MARK3: variants seen among roughly 807,000 people sequenced by gnomAD.
The protein encoded by MARK3 is microtubule affinity regulating kinase 3.
Under a neutral mutation model 90.1 loss-of-function variants are expected in MARK3, and 46 were observed. That is an observed-to-expected ratio of 0.51 (90% CI 0.40 to 0.65). The LOEUF (loss-of-function observed/expected upper bound fraction) is 0.65, where lower values mean the gene tolerates loss of function less well. Ranked by LOEUF, MARK3 falls within the 30% of genes least tolerant of loss-of-function variation. The pLI is 0.00. For missense variants in MARK3, 818 were observed against 947.2 expected, an observed-to-expected ratio of 0.86 and a Z score of 1.79; for synonymous variants, 321 against 332.6, an observed-to-expected ratio of 0.97 and a Z score of 0.38.
chr14:103,462,514 T>C (rs2093422240), intron 7 of MARK3, 53 bp downstream of exon 7: 3 of 1,359,958 alleles, frequency 2.2e-6, no homozygotes, highest in Admixed American at 3.6e-5. Flanking sequence ...TGTGCAGTTC[T>C]CTCAGTGGTC....
chr14:103,455,216 T>C (rs1310754718), intron 5 of MARK3, among the ~76,000 whole-genome samples: 1 of 152,252 alleles, frequency 6.6e-6, no homozygotes, highest in Non-Finnish European at 1.5e-5. Flanking sequence ...CTTAATCGTT[T>C]AATTTTTTTA....
chr14:103,413,370 CTT>C (rs763373793), intron 2 of MARK3, among the ~76,000 whole-genome samples: 21 of 149,238 alleles, frequency 1.4e-4, no homozygotes, highest in Non-Finnish European at 2.1e-4. Context: ...ATTTGGGAAA[CTT>C]TTGATCTCTC....
At chr14:103,498,684 G>A (rs1214392320) in intron 16 of MARK3, among the ~76,000 whole-genome samples, 156 bp downstream of exon 16, 1 of 152,154 alleles carries the variant, frequency 6.6e-6, no homozygotes, top group African/African-American at 2.4e-5. Flanking sequence ...AAATTGAAAA[G>A]AAATAGATTA....
At chr14:103,460,203 A>G (rs776904506) in intron 6 of MARK3, among the ~76,000 whole-genome samples, 2 of 144,968 alleles carry the variant, frequency 1.4e-5, no homozygotes, top group Non-Finnish European at 3.0e-5. Flanking sequence ...CTTCTGCCTC[A>G]GCCTCCCAAG....
chr14:103,436,981 T>A (rs2092731314), intron 3 of MARK3, among the ~76,000 whole-genome samples: 1 of 151,802 alleles, frequency 6.6e-6, no homozygotes, highest in Non-Finnish European at 1.5e-5. Context: ...TAATCCCAGC[T>A]ACTTGGGAGG....
chr14:103,450,039 A>C (rs1177974215), intron 4 of MARK3, among the ~76,000 whole-genome samples: 1 of 152,214 alleles, frequency 6.6e-6, no homozygotes, highest in African/African-American at 2.4e-5. Flanking sequence ...GCCCTATTTC[A>C]TCAGTCTAAA....
intron 17 of MARK3, among the ~76,000 whole-genome samples, chr14:103,501,536 A>G (rs554548883): frequency 7.2e-5 from 11 of 151,950 alleles, no homozygotes; most frequent in Non-Finnish European, 1.6e-4. Context: ...GATCCCCTCT[A>G]CTCAAAACAA....
chr14:103,421,067 C>T (rs1057506272), intron 2 of MARK3, among the ~76,000 whole-genome samples: 4 of 152,154 alleles, frequency 2.6e-5, no homozygotes, highest in African/African-American at 9.7e-5. Flanking sequence ...ATGGATAAAA[C>T]TCTGGACAGT....
chr14:103,484,992 C>T (rs1006679462), intron 14 of MARK3, among the ~76,000 whole-genome samples: 9 of 147,660 alleles, frequency 6.1e-5, no homozygotes, highest in African/African-American at 2.3e-4. Context: ...CTGAGGTGGG[C>T]GGATCACCTG....
At chr14:103,442,096 C>T (rs6575991) in intron 3 of MARK3, among the ~76,000 whole-genome samples, 51,999 of 151,734 alleles carry the variant, frequency 0.34, 9,380 homozygotes, top group East Asian at 0.5. Flanking sequence ...TGGCCAGGTG[C>T]GGTGGCTCAC....
intron 15 of MARK3, among the ~76,000 whole-genome samples, chr14:103,493,978 A>G (rs1446748417): frequency 4.0e-5 from 6 of 151,586 alleles, no homozygotes; most frequent in Non-Finnish European, 8.8e-5. Context: ...TCATGCCTGT[A>G]ATCTCAGCAC....
At chr14:103,491,528 G>T in intron 14 of MARK3, 1 of 434,160 alleles carries the variant, frequency 2.3e-6, no homozygotes. Context: ...GAATTTCCCT[G>T]CATTAATCTT....
intron 1 of MARK3, among the ~76,000 whole-genome samples, chr14:103,403,847 A>G (rs969963868): frequency 2.0e-5 from 3 of 152,204 alleles, no homozygotes; most frequent in African/African-American, 4.8e-5. Flanking sequence ...TAGAGGAACA[A>G]TGTTTACAAG....
chr14:103,463,595 A>G (rs962584057), intron 7 of MARK3, among the ~76,000 whole-genome samples: 3 of 152,152 alleles, frequency 2.0e-5, no homozygotes, highest in African/African-American at 7.2e-5. Flanking sequence ...GCTGTGTTCC[A>G]AGTATCTCTT....
chr14:103,387,478 GTTTA>G (rs1009718897), intron 1 of MARK3, among the ~76,000 whole-genome samples: 1,213 of 81,318 alleles, frequency 0.015, 14 homozygotes, highest in Non-Finnish European at 0.027. Flanking sequence ...TTATTTATTT[GTTTA>G]TTTATTTATT....
chr14:103,475,206 C>A lies in MARK3; in HGVS notation c.1478C>A (p.Pro493His). ...IPERKKSSTV[P>H]SSNTASGGMT... ...GAACGCAAGAAAAGCTCCACTGTCC[C>A]TAGTGTAAGTGTTGTTGAACTATAG... is the stretch of plus-strand genomic sequence containing the variant. The change falls in exon 13 of 18, where the codon CCT becomes CAT. Residue 493 changes from proline to histidine, a missense_variant. Physicochemically the swap from Pro to His is moderately conservative, Grantham distance 77 (BLOSUM62 -2). Coordinates refer to ENST00000429436, the MANE Select transcript of MARK3 (RefSeq NM_001128918.3). 6.2e-7 allele frequency: 1 copy of A among 1,612,702 alleles called. No individual in the cohort carries two copies. Among genetic ancestry groups the A allele is most frequent in the Non-Finnish European group, 8.5e-7 (1 of 1,179,846 alleles).
chr14:103,458,144 A>C (rs35999760), intron 6 of MARK3, among the ~76,000 whole-genome samples: 43,444 of 152,164 alleles, frequency 0.29, 7,300 homozygotes, highest in Non-Finnish European at 0.36. Flanking sequence ...GCAACTATTT[A>C]ACTCTCTTGT....
rs1436509322 is a variant in MARK3, at chr14:103,405,182, T to C, written c.158T>C (p.Ile53Thr). Residue 53 changes from isoleucine to threonine, a missense_variant, in exon 2 of 18, where the codon ATC becomes ACC. Physicochemically the swap from Ile to Thr is moderately conservative, Grantham distance 89. Transcript: ENST00000429436. The part of the protein sequence containing the change: ...IASCADEQPH[I>T]GNYRLLKTIG... ...TCCTGTGCAGATGAACAACCTCACA[T>C]CGGAAACTACAGACTGTTGAAAACA... The C allele has an allele frequency of 6.2e-7, 1 of 1,601,354 alleles. No homozygotes were observed. The highest frequency in any genetic ancestry group is 8.5e-7 in the Non-Finnish European group (1 of 1,176,532).
intron 15 of MARK3, among the ~76,000 whole-genome samples, chr14:103,495,092 A>C (rs764403615): frequency 2.0e-5 from 3 of 152,184 alleles, no homozygotes; most frequent in African/African-American, 7.2e-5. Flanking sequence ...GTGCACACAC[A>C]CTCATTTAAT....
Sources: gnomAD v4.1 joint callset for allele counts (sites outside exome capture counted in the v4.1 genomes callset) on GRCh38, gnomAD v4.1.1 for gene constraint, MANE v1.5 for transcripts, NCBI Gene and HGNC (gene_info 2026-07-23, HGNC 2026-07-21) for gene names.